Variants in SMOX observed in about 807,000 individuals in gnomAD.
SMOX encodes spermine oxidase.
Under a neutral mutation model 51.0 loss-of-function variants are expected in SMOX, and 22 were observed. That is an observed-to-expected ratio of 0.43 (90% confidence interval 0.31 to 0.62). The LOEUF (loss-of-function observed/expected upper bound fraction) is 0.62. Among genes scored for constraint, SMOX ranks in the 20% least tolerant of loss-of-function variants. The pLI, the probability that SMOX is intolerant of heterozygous loss-of-function variation, is 0.10. For synonymous variants in SMOX, 282 were observed against 307.8 expected, an observed-to-expected ratio of 0.92 and a Z score of 0.88; for missense variants, 566 against 777.7, an observed-to-expected ratio of 0.73 and a Z score of 3.24.
intron 1 of SMOX, among the ~76,000 whole-genome samples, chr20:4,171,016 C>T (rs983990708): frequency 7.2e-5 from 11 of 152,218 alleles, no homozygotes; most frequent in African/African-American, 2.7e-4. Flanking sequence ...CACACCCCCA[C>T]TTTGCCATGG....
Position 4,187,649 on chromosome 20 carries a change from T to G in SMOX, c.*242T>G. 2.0e-6 allele frequency: 1 copy of G among 492,530 alleles called. No individual in the cohort carries two copies. The highest frequency in any genetic ancestry group is 3.6e-6 in the Non-Finnish European group (1 of 279,258). The allele number at this position is 492,530 out of a possible 1,614,324, so 30.5% of individuals were successfully genotyped here. A position where few individuals can be genotyped will look rare whatever the true frequency, so the allele number is the denominator to read the frequency against. On this transcript the variant is annotated 3_prime_UTR_variant, in exon 7 of 7. Coordinates refer to ENST00000305958, the MANE Select transcript of SMOX (RefSeq NM_175839.3). This position sits in a 1 kb window ranked among gnomAD's most constrained non-coding sequence, Gnocchi z 4.8. ...CCCGTGCCCCCACTTGCCTACCCTC[T>G]GTCCTGCCTTGTTATTGTAAGTGCC...
chr20:4,175,459 T>C (rs1194290621), intron 2 of SMOX, among the ~76,000 whole-genome samples, 196 bp downstream of exon 2: 1 of 152,216 alleles, frequency 6.6e-6, no homozygotes, highest in African/African-American at 2.4e-5. Context: ...GCCCTGACTT[T>C]CACTTGTGGA....
chr20:4,179,317 A>G (rs1979145921), intron 3 of SMOX, among the ~76,000 whole-genome samples: 1 of 152,220 alleles, frequency 6.6e-6, no homozygotes, highest in African/African-American at 2.4e-5. Context: ...AAAGTAGATC[A>G]TCATCAAATT....
chr20:4,182,700 G>A lies in SMOX; in HGVS notation c.1221G>A (p.Lys407=). 6.2e-7 allele frequency: 1 copy of A among 1,614,210 alleles called. No individual in the cohort carries two copies. The highest frequency in any genetic ancestry group is 2.2e-5 in the East Asian group (1 of 44,874). ...ACCCACCTGAGCTCTGGTACCGCAA[G>A]ATCTGCGGCTTTGATGTCCTCTACC... The part of the protein sequence containing the change: ...LTYPPELWYR[K]ICGFDVLYPP... Residue 407 remains lysine, a synonymous_variant, in exon 5 of 7, where the codon AAG becomes AAA. Transcript: ENST00000305958. This position sits in a 1 kb window ranked among gnomAD's most constrained non-coding sequence, Gnocchi z 8.4.
rs1470787495 is a variant in SMOX at position 4,167,529 on chromosome 20, A to G, written c.-26-7501A>G. Among the ~76,000 whole-genome samples the G allele has an allele frequency of 1.3e-5, 2 of 152,142 alleles. No homozygotes were observed. The highest frequency in any genetic ancestry group is 2.9e-5 in the Non-Finnish European group (2 of 68,014). On this transcript the variant is annotated intron_variant, in intron 1 of 6. Transcript: ENST00000305958. This position sits in a 1 kb window ranked among gnomAD's most constrained non-coding sequence, Gnocchi z 4.8. ...CCTTTAAATATCAGATAGGGCTTGG[A>G]CAAGTGTGCCCAGGTAGTGGGGTAC... is the stretch of plus-strand genomic sequence containing the variant.
rs1038435317 is a variant in SMOX at position 4,172,276 on chromosome 20, C to T, written c.-26-2754C>T. ...AGGGTGCCCAGGGTGGCGGCGTCCC[C>T]GTCGCAGCTGGCGCGGCCCCTCCGG... On this transcript the variant is annotated intron_variant, in intron 1 of 6. Coordinates refer to ENST00000305958, the MANE Select transcript of SMOX (RefSeq NM_175839.3). This position sits in a 1 kb window ranked among gnomAD's most constrained non-coding sequence, Gnocchi z 7.7. Among the ~76,000 whole-genome samples the T allele has an allele frequency of 3.3e-5, 5 of 152,278 alleles. No homozygotes were observed. Among genetic ancestry groups the T allele is most frequent in the South Asian group, 4.1e-4 (2 of 4,830 alleles).
At chr20:4,162,694 G>T (rs964020360) in intron 1 of SMOX, among the ~76,000 whole-genome samples, 1 of 152,272 alleles carries the variant, frequency 6.6e-6, no homozygotes, top group South Asian at 2.1e-4. Context: ...ACAAATATAG[G>T]TCTCTCTAAG....
At position 4,158,550 on chromosome 20, in the gene SMOX, G is replaced by A. The variant is rs191512059; in HGVS notation, c.-27+9573G>A. 2.0e-5 allele frequency among the ~76,000 whole-genome samples: 3 copies of A among 152,292 alleles called. No homozygotes were observed. In the East Asian group the frequency reaches 5.8e-4, roughly 29 times the overall value. ...TTAAGGAAGGTGTGACTTAAAGTCA[G>A]AAGAACAAGAACTTGGAAGTGAGTT... On this transcript the variant is annotated intron_variant, in intron 1 of 6. Transcript: ENST00000305958.
At chr20:4,165,517 T>C (rs1455216062) in intron 1 of SMOX, among the ~76,000 whole-genome samples, 1 of 152,140 alleles carries the variant, frequency 6.6e-6, no homozygotes, top group African/African-American at 2.4e-5. Context: ...TCTTACACCT[T>C]TGTGGTTGAT....
rs1285617245 is a variant in SMOX at position 4,166,901 on chromosome 20, A to T, written c.-26-8129A>T. The stretch of plus-strand genomic sequence containing the variant: ...TTAAAGTTGTGCTTTTAGGGACTTT[A>T]TGATTTTAGGGAAGAAATGTGGGTA... On this transcript the variant is annotated intron_variant, in intron 1 of 6. Transcript: ENST00000305958. The surrounding 1 kb of genome is among the most constrained non-coding windows in gnomAD (Gnocchi z 4.2). Among the ~76,000 whole-genome samples the T allele has an allele frequency of 6.6e-6, 1 of 152,202 alleles. No individual in the cohort carries two copies. The highest frequency in any genetic ancestry group is 1.5e-5 in the Non-Finnish European group (1 of 68,040).
intron 1 of SMOX, among the ~76,000 whole-genome samples, chr20:4,157,823 C>T (rs1986087914): frequency 6.6e-6 from 1 of 152,144 alleles, no homozygotes; most frequent in Non-Finnish European, 1.5e-5. Flanking sequence ...TGCCTCGCCT[C>T]TGCCACACCT....
intron 1 of SMOX, among the ~76,000 whole-genome samples, chr20:4,162,116 C>G (rs993163013): frequency 1.3e-5 from 2 of 152,214 alleles, no homozygotes; most frequent in Non-Finnish European, 2.9e-5. Context: ...CAGGGTGCCT[C>G]GGGGAGCCAA....
chr20:4,169,505 A>G (rs1986729112), intron 1 of SMOX, among the ~76,000 whole-genome samples: 1 of 152,114 alleles, frequency 6.6e-6, no homozygotes. Flanking sequence ...GATTGATTCC[A>G]CTGTGGTTCA....
intron 1 of SMOX, among the ~76,000 whole-genome samples, chr20:4,152,214 T>C (rs79231400): frequency 0.011 from 1,703 of 152,232 alleles, 12 homozygotes; most frequent in Non-Finnish European, 0.02. Context: ...AAATGCAAGC[T>C]GGGTCAGCAG....
Position 4,177,282 on chromosome 20 carries a change from G to T in SMOX, c.209-69G>T, listed in dbSNP as rs1978935127. 2 of 1,340,892 alleles carry T rather than the reference G, an allele frequency of 1.5e-6. No individual in the cohort carries two copies. Among genetic ancestry groups the T allele is most frequent in the South Asian group, 2.6e-5 (2 of 77,398 alleles). The allele number at this position is 1,340,892 out of a possible 1,614,324, so 83.1% of individuals were successfully genotyped here. On this transcript the variant is annotated intron_variant, in intron 2 of 6. Coordinates refer to ENST00000305958, the MANE Select transcript of SMOX (RefSeq NM_175839.3). This position sits in a 1 kb window ranked among gnomAD's most constrained non-coding sequence, Gnocchi z 4.3. ...GGAAAGACCCTCTTGGAGGAAGGAG[G>T]GGGAAGCAGTGCTGGCCCTCTCTGG...
At position 4,155,506 on chromosome 20, in the gene SMOX, C is replaced by T. The variant is rs1985978230; in HGVS notation, c.-27+6529C>T. 2.0e-5 allele frequency among the ~76,000 whole-genome samples: 3 copies of T among 152,158 alleles called. No individual in the cohort carries two copies. In the South Asian group the frequency reaches 6.2e-4, roughly 32 times the overall value. ...CTCTCTGAGGTGTCAGTCTCCTCAT[C>T]TGTAAACTGAGGGGTTCAGGTCCCT... is the stretch of plus-strand genomic sequence containing the variant. On this transcript the variant is annotated intron_variant, in intron 1 of 6. Coordinates refer to ENST00000305958, the MANE Select transcript of SMOX (RefSeq NM_175839.3).
In SMOX at chr20:4,182,338, A is replaced by G. The variant is rs1979396231; in HGVS notation, c.859A>G (p.Asn287Asp). The G allele has an allele frequency of 6.3e-7, 1 of 1,593,440 alleles. No individual in the cohort carries two copies. Among genetic ancestry groups the G allele is most frequent in the South Asian group, 1.1e-5 (1 of 88,736 alleles). ...TGAGCCCCGGGGTGAGGGCGACCAC[A>G]ATCACGACACTGGGGAGGGTGGCCA... ...EIEPRGEGDH[N>D]HDTGEGGQGG... The change falls in exon 5 of 7, where the codon AAT becomes GAT. Residue 287 changes from asparagine (N) to aspartate (D), a missense_variant. Asn to Asp is a conservative substitution (Grantham distance 23, BLOSUM62 1). Transcript: ENST00000305958. The surrounding 1 kb of genome is among the most constrained non-coding windows in gnomAD (Gnocchi z 8.4).
intron 1 of SMOX, among the ~76,000 whole-genome samples, chr20:4,163,700 C>G (rs1458840556): frequency 1.3e-5 from 2 of 152,186 alleles, no homozygotes; most frequent in African/African-American, 4.8e-5. Flanking sequence ...GGAGGATTTG[C>G]TTCCAAGATG....
rs746761227 is a variant in SMOX at position 4,187,646 on chromosome 20, C to T, written c.*239C>T. The T allele has an allele frequency of 1.9e-6, 1 of 523,730 alleles. No homozygotes were observed. 32.4% of individuals were successfully genotyped at this position (523,730 alleles called of 1,614,324 possible). A position where few individuals can be genotyped will look rare whatever the true frequency, so the allele number is the denominator to read the frequency against. ...GATCCCGTGCCCCCACTTGCCTACC[C>T]TCTGTCCTGCCTTGTTATTGTAAGT... On this transcript the variant is annotated 3_prime_UTR_variant, in exon 7 of 7. Transcript: ENST00000305958. The surrounding 1 kb of genome is among the most constrained non-coding windows in gnomAD (Gnocchi z 4.8).
Sources: gnomAD v4.1 joint callset for allele counts (sites outside exome capture counted in the v4.1 genomes callset) on GRCh38, gnomAD v4.1.1 for gene constraint, Gnocchi (gnomAD v3.1) non-coding constraint, MANE v1.5 for transcripts, NCBI Gene and HGNC (gene_info 2026-07-23, HGNC 2026-07-21) for gene names.